The following DCC variants were observed in gnomAD, a reference collection of about 807,000 sequenced individuals.
DCC encodes the protein netrin receptor DCC.
A neutral mutation model predicts 172.5 loss-of-function variants in DCC; 58 were observed. That is an observed-to-expected ratio of 0.34 (90% CI 0.27 to 0.42). The LOEUF (loss-of-function observed/expected upper bound fraction) is 0.42. Among genes scored for constraint, DCC ranks in the 10% least tolerant of loss-of-function variants. DCC has a pLI of 1.00. For synonymous variants in DCC, 709 were observed against 644.5 expected, an observed-to-expected ratio of 1.10 and a Z score of -1.52; for missense variants, 1,740 against 1,791.0, an observed-to-expected ratio of 0.97 and a Z score of 0.51.
At chr18:52,522,340 A>G (rs1370430221) in intron 1 of DCC, among the ~76,000 whole-genome samples, 4 of 152,156 alleles carry the variant, frequency 2.6e-5, no homozygotes, top group African/African-American at 9.7e-5. Context: ...AGACACAATA[A>G]CCAAGCTGAG....
intron 1 of DCC, among the ~76,000 whole-genome samples, chr18:52,604,367 G>T (rs955690385): frequency 6.6e-6 from 1 of 152,088 alleles, no homozygotes; most frequent in African/African-American, 2.4e-5. Flanking sequence ...TTTCATTTCA[G>T]CCACCTACCA....
chr18:52,705,911 C>T (rs1258234140), intron 1 of DCC, among the ~76,000 whole-genome samples: 1 of 152,128 alleles, frequency 6.6e-6, no homozygotes, highest in African/African-American at 2.4e-5. Flanking sequence ...TAATGTTCAT[C>T]TCCATACCAG....
chr18:53,421,407 C>T (rs948572529), intron 21 of DCC, among the ~76,000 whole-genome samples: 1 of 152,138 alleles, frequency 6.6e-6, no homozygotes, highest in Non-Finnish European at 1.5e-5. Flanking sequence ...TGAGCACTCT[C>T]AAGTGTATTT....
In DCC at chr18:52,906,164, A is replaced by G; in HGVS notation, c.533A>G (p.Gln178Arg). ...ACAATCCACTGGCAGAAGAACCAAC[A>G]AGACCTGACTCCAATCCCAGGTGAC... ...MPTIHWQKNQQDLTPIPGDSR... is the reference protein window; with the variant it reads ...MPTIHWQKNQRDLTPIPGDSR... The change falls in exon 3 of 29, where the codon CAA (glutamine) becomes CGA (arginine). Residue 178 changes from glutamine to arginine, a missense_variant. Transcript: ENST00000442544. 1.2e-6 allele frequency: 2 copies of G among 1,614,120 alleles called. No individual in the cohort carries two copies. The highest frequency in any genetic ancestry group is 2.2e-5 in the South Asian group (2 of 91,084).
In DCC at chr18:52,340,522, T is replaced by C; in HGVS notation, c.-266T>C. 1.8e-6 allele frequency: 1 copy of C among 557,258 alleles called. No homozygotes were observed. The highest frequency in any genetic ancestry group is 3.2e-6 in the Non-Finnish European group (1 of 310,600). The allele number at this position is 557,258 out of a possible 1,614,324, so 34.5% of individuals were successfully genotyped here. A position where few individuals can be genotyped will look rare whatever the true frequency, so the allele number is the denominator to read the frequency against. ...TCCTTGAGTTAGTTTTCTAAGGTTT[T>C]ACCGGGGCTCGGGATCTCTTGGACC... On this transcript the variant is annotated 5_prime_UTR_variant, in exon 1 of 29. Transcript: ENST00000442544.
intron 1 of DCC, among the ~76,000 whole-genome samples, chr18:52,540,567 T>C (rs918333214): frequency 1.3e-5 from 2 of 151,614 alleles, no homozygotes. Flanking sequence ...ATAAATGTGT[T>C]ATTCACTACC....
At chr18:53,351,399 G>GTATATATATATATAC (rs1568075098) in intron 15 of DCC, among the ~76,000 whole-genome samples, 10 of 24,092 alleles carry the variant, frequency 4.2e-4, no homozygotes, top group Middle Eastern at 0.029. Context: ...TATATATACA[G>GTATATATATATATAC]TGTATATATA....
intron 5 of DCC, among the ~76,000 whole-genome samples, chr18:53,047,458 T>TAC (rs1555700692): frequency 1.0e-5 from 1 of 99,970 alleles, no homozygotes. Context: ...TATATATATA[T>TAC]ATATACCATT....
chr18:53,510,569 CAAG>C (rs552050466), intron 27 of DCC, among the ~76,000 whole-genome samples: 286 of 152,218 alleles, frequency 1.9e-3, no homozygotes, highest in African/African-American at 6.2e-3. Context: ...AGTGCAAAAA[CAAG>C]AAAGATATTT....
At chr18:53,207,960 T>G (rs972835138) in intron 11 of DCC, 143 bp downstream of exon 11, 1 of 763,416 alleles carries the variant, frequency 1.3e-6, no homozygotes, top group African/African-American at 1.7e-5. Flanking sequence ...AATGTAAACT[T>G]TCTATCAAGA....
intron 2 of DCC, among the ~76,000 whole-genome samples, chr18:52,771,331 TA>T (rs139053185): frequency 0.034 from 5,203 of 152,304 alleles, 128 homozygotes; most frequent in Admixed American, 0.048. Flanking sequence ...TCCATTCAAT[TA>T]AAAAATATTT....
intron 15 of DCC, among the ~76,000 whole-genome samples, chr18:53,374,219 G>A (rs534456991): frequency 1.3e-5 from 2 of 152,220 alleles, no homozygotes. Context: ...GTACTCAACA[G>A]CCACATGTGG....
At chr18:52,942,043 A>G (rs763632570) in intron 5 of DCC, among the ~76,000 whole-genome samples, 4 of 152,190 alleles carry the variant, frequency 2.6e-5, no homozygotes, top group Non-Finnish European at 4.4e-5. Flanking sequence ...TTGGCTTCCC[A>G]AAGTGCTGGG....
chr18:52,744,454 TA>T (rs1254180324), intron 1 of DCC, among the ~76,000 whole-genome samples: 1 of 152,252 alleles, frequency 6.6e-6, no homozygotes, highest in Non-Finnish European at 1.5e-5. Flanking sequence ...TAATTCCACA[TA>T]ACTTAATTCA....
chr18:52,982,110 T>C (rs1410281962), intron 5 of DCC, among the ~76,000 whole-genome samples: 1 of 152,118 alleles, frequency 6.6e-6, no homozygotes, highest in Non-Finnish European at 1.5e-5. Context: ...ACTCAGTTGC[T>C]GGAGGTGTTG....
At chr18:52,818,922 G>A (rs998337053) in intron 2 of DCC, among the ~76,000 whole-genome samples, 1 of 152,138 alleles carries the variant, frequency 6.6e-6, no homozygotes, top group Non-Finnish European at 1.5e-5. Flanking sequence ...TCTAAGACTT[G>A]CATTCTTAAT....
At chr18:52,434,756 C>T (rs1482788128) in intron 1 of DCC, among the ~76,000 whole-genome samples, 1 of 150,958 alleles carries the variant, frequency 6.6e-6, no homozygotes, top group East Asian at 1.9e-4. Context: ...CAAGATTATG[C>T]CCTTTTATTT....
chr18:52,923,569 CTATT>C, intron 3 of DCC, 134 bp from the exon 4 acceptor site: 1 of 716,394 alleles, frequency 1.4e-6, no homozygotes, highest in Non-Finnish European at 2.5e-6. Context: ...ATGAAAAAAA[CTATT>C]TTAGGAGTTT....
chr18:52,592,135 C>T (rs1014072785), intron 1 of DCC, among the ~76,000 whole-genome samples: 16 of 152,074 alleles, frequency 1.1e-4, no homozygotes, highest in African/African-American at 3.4e-4. Flanking sequence ...TAAACTACAG[C>T]GACAAAAGTA....
Sources: allele counts gnomAD v4.1 joint callset (sites outside exome capture counted in the v4.1 genomes callset), GRCh38; gene constraint gnomAD v4.1.1; transcripts MANE v1.5; gene names NCBI Gene and HGNC (gene_info 2026-07-23, HGNC 2026-07-21).